The following VASP variants were observed in gnomAD, a reference collection of about 807,000 sequenced individuals.
VASP encodes the protein vasodilator-stimulated phosphoprotein.
Under a neutral mutation model 54.4 loss-of-function variants are expected in VASP, and 27 were observed. The ratio of observed to expected loss-of-function variants is 0.50; its 90% confidence interval spans 0.37 to 0.68. VASP has a LOEUF of 0.68. VASP is among the 30% of genes least tolerant of loss of function. The pLI is 0.00. For synonymous variants in VASP, 233 were observed against 209.8 expected (o/e 1.11, Z -0.96); for missense variants, 488 against 528.3 (o/e 0.92, Z 0.75).
chr19:45,526,488 T>C lies in VASP; in HGVS notation c.*311T>C, dbSNP rs1443361365. 1 of 303,452 alleles carries C rather than the reference T, an allele frequency of 3.3e-6. No individual in the cohort carries two copies. Among genetic ancestry groups the C allele is most frequent in the African/African-American group, 2.2e-5 (1 of 46,244 alleles). The allele number at this position is 303,452 out of a possible 1,614,324, so 18.8% of individuals were successfully genotyped here. ...CAGGAAGGGGGAAGGAAGGAGGGAATTTCACATTCCCTTGTTCTAGATTCA... is the reference window on the plus strand; with the variant it reads ...CAGGAAGGGGGAAGGAAGGAGGGAACTTCACATTCCCTTGTTCTAGATTCA... On this transcript the variant is annotated 3_prime_UTR_variant, in exon 13 of 13. Coordinates refer to ENST00000245932, the MANE Select transcript of VASP (RefSeq NM_003370.4).
At chr19:45,508,921 C>T (rs930546834) in intron 1 of VASP, among the ~76,000 whole-genome samples, 2 of 152,196 alleles carry the variant, frequency 1.3e-5, no homozygotes, top group African/African-American at 4.8e-5. Flanking sequence ...CAACCATCCC[C>T]CCTATTCTTC....
chr19:45,518,030 C>G lies in VASP; in HGVS notation c.279C>G (p.Phe93Leu). 1.2e-6 allele frequency: 2 copies of G among 1,613,956 alleles called. No individual in the cohort carries two copies. The highest frequency in any genetic ancestry group is 1.7e-6 in the Non-Finnish European group (2 of 1,180,010). Residue 93 changes from phenylalanine to leucine, a missense_variant, in exon 3 of 13, where the codon TTC (phenylalanine) becomes TTG (leucine). By Grantham distance (22) the Phe-to-Leu change is conservative. Transcript: ENST00000245932. ...CTCGCCAGGTCTGGGGCCTCAACTT[C>G]GGCAGCAAGGAGGATGCGGCCCAGT... ...RDARQVWGLN[F>L]GSKEDAAQFA...
At position 45,507,493 on chromosome 19, in the gene VASP, A is replaced by G; in HGVS notation, c.-279A>G. ...CGAAGAGAAGTACAGTAGTAAGAGT[A>G]ACACTGTAGCCGCCACCGGCAAGGG... On this transcript the variant is annotated 5_prime_UTR_variant, in exon 1 of 13. Coordinates refer to ENST00000245932, the MANE Select transcript of VASP (RefSeq NM_003370.4). This position sits in a 1 kb window ranked among gnomAD's most constrained non-coding sequence, Gnocchi z 4.4. 2 of 498,446 alleles carry G rather than the reference A, an allele frequency of 4.0e-6. No individual in the cohort carries two copies. The highest frequency in any genetic ancestry group is 3.6e-5 in the East Asian group (1 of 27,906). The allele number at this position is 498,446 out of a possible 1,614,324, so 30.9% of individuals were successfully genotyped here.
intron 10 of VASP, 139 bp from the exon 11 acceptor site, chr19:45,524,431 A>G: frequency 1.2e-6 from 1 of 846,778 alleles, no homozygotes; most frequent in Non-Finnish European, 1.9e-6. Flanking sequence ...ACCAAAAAAA[A>G]AAAAAACTGG....
chr19:45,507,593 G>A lies in VASP; in HGVS notation c.-179G>A, dbSNP rs1968510976. 3.0e-6 allele frequency: 2 copies of A among 668,900 alleles called. No homozygotes were observed. Among genetic ancestry groups the A allele is most frequent in the Non-Finnish European group, 4.7e-6 (2 of 424,016 alleles). The allele number at this position is 668,900 out of a possible 1,614,324, so 41.4% of individuals were successfully genotyped here. On this transcript the variant is annotated 5_prime_UTR_variant, in exon 1 of 13. Transcript: ENST00000245932. The surrounding 1 kb of genome is among the most constrained non-coding windows in gnomAD (Gnocchi z 4.4). ...CTCATCAGACCGCCTGAGGGAAGCG[G>A]CGCCCGGAGACCCGCCCCGGCCCGG...
intron 1 of VASP, among the ~76,000 whole-genome samples, chr19:45,510,255 T>C (rs1002701366): frequency 2.0e-5 from 3 of 152,146 alleles, no homozygotes; most frequent in Non-Finnish European, 2.9e-5. Flanking sequence ...GACGGAAATT[T>C]TGCTCTTGTT....
At chr19:45,519,460 ATT>A (rs1257458286) in intron 3 of VASP, among the ~76,000 whole-genome samples, 7 of 140,564 alleles carry the variant, frequency 5.0e-5, no homozygotes, top group Admixed American at 7.1e-5. Flanking sequence ...ATCATTTCAA[ATT>A]TTTTTTTTTT....
intron 1 of VASP, among the ~76,000 whole-genome samples, chr19:45,513,524 T>C (rs940248872): frequency 2.9e-5 from 4 of 138,322 alleles, no homozygotes; most frequent in African/African-American, 1.1e-4. Context: ...CAGACTGGAG[T>C]GCAGTGGTCT....
At chr19:45,519,837 C>T (rs372515600) in intron 3 of VASP, among the ~76,000 whole-genome samples, 52 of 149,944 alleles carry the variant, frequency 3.5e-4, no homozygotes, top group Non-Finnish European at 6.5e-4. Context: ...CCTCGTGATC[C>T]GCCCGCCTCG....
chr19:45,518,308 C>G (rs1968753324), intron 3 of VASP, among the ~76,000 whole-genome samples: 1 of 152,196 alleles, frequency 6.6e-6, no homozygotes, highest in African/African-American at 2.4e-5. Context: ...TGGCTCATGC[C>G]TGTAATCTCA....
intron 3 of VASP, 106 bp from the exon 4 acceptor site, chr19:45,521,216 G>C: frequency 1.8e-6 from 2 of 1,140,688 alleles, no homozygotes; most frequent in Non-Finnish European, 2.6e-6. Context: ...GAGGAAGTGA[G>C]CGCCTCTGGG....
rs544052220 is a variant in VASP, at chr19:45,516,657, CCTT to C, written c.6-1002_6-1000del. On this transcript the variant is annotated intron_variant, in intron 1 of 12. Coordinates refer to ENST00000245932, the MANE Select transcript of VASP (RefSeq NM_003370.4). ...GCCTGTCTCTCCATCTTTATCTTTT[CCTT>C]CTTATTAGTTTTGTTGTGTTGTGTT... is the stretch of plus-strand genomic sequence containing the variant. 7.1e-4 allele frequency among the ~76,000 whole-genome samples: 108 copies of C among 152,292 alleles called. 3 individuals are homozygous for C. In the East Asian group the frequency reaches 0.019, roughly 26 times the overall value.
At position 45,522,358 on chromosome 19, in the gene VASP, C is replaced by G; in HGVS notation, c.497C>G (p.Pro166Arg). ...GTTTCAGGAGGCCCACCTGCTCCCC[C>G]CGCTGGGGGTCCACCCCCACCACCA... ...VSNAGGPPAP[P>R]AGGPPPPPGP... Residue 166 changes from proline (P) to arginine (R), a missense_variant, in exon 6 of 13, where the codon CCC becomes CGC. Pro to Arg is a moderately radical substitution (Grantham distance 103). Around this residue, in one of 4 missense-constraint regions of VASP, gnomAD observed 226 missense variants for 196.0 expected, o/e 1.15. Coordinates refer to ENST00000245932, the MANE Select transcript of VASP (RefSeq NM_003370.4). 1 of 1,578,150 alleles carries G rather than the reference C, an allele frequency of 6.3e-7. No individual in the cohort carries two copies. Among genetic ancestry groups the G allele is most frequent in the Non-Finnish European group, 8.6e-7 (1 of 1,162,380 alleles).
intron 3 of VASP, 142 bp from the exon 4 acceptor site, chr19:45,521,180 G>C (rs1968823175): frequency 2.4e-6 from 2 of 820,750 alleles, no homozygotes; most frequent in Admixed American, 4.8e-5. Context: ...GTCCTCCTGG[G>C]CCTGGAGCCT....
At chr19:45,519,202 G>T (rs1220854784) in intron 3 of VASP, among the ~76,000 whole-genome samples, 2 of 152,130 alleles carry the variant, frequency 1.3e-5, no homozygotes, top group African/African-American at 4.8e-5. Flanking sequence ...CTTTAGTAGA[G>T]ACAAGGTTTC....
Position 45,524,228 on chromosome 19 carries a change from T to G in VASP, c.956+86T>G. 5 of 1,472,212 alleles carry G rather than the reference T, an allele frequency of 3.4e-6. No individual in the cohort carries two copies. In the Admixed American group the frequency reaches 8.7e-5, roughly 26 times the overall value. 91.2% of individuals were successfully genotyped at this position (1,472,212 alleles called of 1,614,324 possible). A position where few individuals can be genotyped will look rare whatever the true frequency, so the allele number is the denominator to read the frequency against. On this transcript the variant is annotated intron_variant, in intron 10 of 12. Transcript: ENST00000245932. ...GAGGTCAAGACCAGCCTGGGCAACA[T>G]GGCGACACCCCATCTCTACAAAAAT...
chr19:45,522,356 C>A lies in VASP; in HGVS notation c.495C>A (p.Pro165=). 1.9e-6 allele frequency: 3 copies of A among 1,582,252 alleles called. No individual in the cohort carries two copies. The highest frequency in any genetic ancestry group is 2.6e-6 in the Non-Finnish European group (3 of 1,164,592). ...TTGTTTCAGGAGGCCCACCTGCTCC[C>A]CCCGCTGGGGGTCCACCCCCACCAC... ...RVSNAGGPPA[P]PAGGPPPPPG... The change falls in exon 6 of 13, where the codon CCC becomes CCA. Residue 165 remains proline (P), a synonymous_variant. Transcript: ENST00000245932.
chr19:45,516,983 CAAAAAAAAAAAAA>C (rs112095290), intron 1 of VASP, among the ~76,000 whole-genome samples: 24 of 57,868 alleles, frequency 4.1e-4, no homozygotes, highest in African/African-American at 1.7e-3. Context: ...GACTCTGTCT[CAAAAAAAAAAAAA>C]AAAAAAAAAA....
At chr19:45,512,178 TC>T (rs1289436709) in intron 1 of VASP, among the ~76,000 whole-genome samples, 1 of 152,124 alleles carries the variant, frequency 6.6e-6, no homozygotes, top group African/African-American at 2.4e-5. Flanking sequence ...ATTTGTTTCT[TC>T]CCTCCCCAGT....
Sources: allele counts gnomAD v4.1 joint callset (sites outside exome capture counted in the v4.1 genomes callset), GRCh38; gene constraint gnomAD v4.1.1; regional missense constraint gnomAD v4.1.1; non-coding constraint Gnocchi (gnomAD v3.1); transcripts MANE v1.5; gene names NCBI Gene and HGNC (gene_info 2026-07-23, HGNC 2026-07-21).